Variants in ZC3H12D observed in about 807,000 individuals in gnomAD.
The protein encoded by ZC3H12D is zinc finger CCCH-type containing 12D.
In ZC3H12D, 11 loss-of-function variants were observed where a neutral mutation model predicts 24.2. The observed-to-expected ratio is 0.46, with a 90% confidence interval of 0.29 to 0.75. ZC3H12D has a LOEUF of 0.75. ZC3H12D is among the 30% of genes least tolerant of loss of function. The probability of loss-of-function intolerance (pLI) is 0.11; values close to 1 mark genes in which losing one functional copy is unlikely to be tolerated. For synonymous variants in ZC3H12D, 333 were observed against 341.8 expected (o/e 0.97, Z 0.28); for missense variants, 740 against 767.7 (o/e 0.96, Z 0.43).
intron 3 of ZC3H12D, among the ~76,000 whole-genome samples, chr6:149,458,669 A>C (rs1334442535): frequency 2.6e-5 from 4 of 152,158 alleles, no homozygotes; most frequent in Admixed American, 1.3e-4. Flanking sequence ...GGCACTTTAC[A>C]AGGTAATGCC....
chr6:149,451,698 G>A (rs1404071087), intron 5 of ZC3H12D, among the ~76,000 whole-genome samples: 1 of 152,192 alleles, frequency 6.6e-6, no homozygotes, highest in Non-Finnish European at 1.5e-5. Context: ...CGGGAGGCGC[G>A]GGCGGCCTGG....
intron 1 of ZC3H12D, among the ~76,000 whole-genome samples, chr6:149,482,197 A>T (rs957084746): frequency 1.3e-5 from 2 of 152,244 alleles, no homozygotes; most frequent in Non-Finnish European, 2.9e-5. Context: ...GAGACTTTAA[A>T]ATCAACTTGG....
chr6:149,482,285 G>A (rs946980683), intron 1 of ZC3H12D, among the ~76,000 whole-genome samples: 5 of 152,262 alleles, frequency 3.3e-5, no homozygotes, highest in Non-Finnish European at 7.3e-5. Context: ...ACTCGGCCCT[G>A]GAGCCGCAGC....
chr6:149,460,327 C>T (rs976748443), intron 3 of ZC3H12D, among the ~76,000 whole-genome samples: 1 of 150,464 alleles, frequency 6.6e-6, no homozygotes, highest in Non-Finnish European at 1.5e-5. Context: ...AACACTTCTG[C>T]TCCCAAGTAC....
intron 2 of ZC3H12D, among the ~76,000 whole-genome samples, chr6:149,472,996 C>T (rs1193277499): frequency 6.6e-6 from 1 of 152,164 alleles, no homozygotes; most frequent in Non-Finnish European, 1.5e-5. Flanking sequence ...CATAGGTTTA[C>T]CTATCTGGTG....
intron 3 of ZC3H12D, among the ~76,000 whole-genome samples, chr6:149,461,071 G>A (rs566819480): frequency 2.6e-5 from 4 of 152,244 alleles, no homozygotes; most frequent in South Asian, 4.2e-4. Flanking sequence ...GGCTGGGTGA[G>A]GTGGCTCTCG....
chr6:149,477,201 G>A (rs914001550), intron 1 of ZC3H12D, among the ~76,000 whole-genome samples: 1 of 152,214 alleles, frequency 6.6e-6, no homozygotes, highest in Non-Finnish European at 1.5e-5. Flanking sequence ...GGCATTCTCT[G>A]CAGGCCTGTC....
intron 2 of ZC3H12D, among the ~76,000 whole-genome samples, chr6:149,469,894 T>C (rs532182500): frequency 2.7e-4 from 41 of 152,234 alleles, no homozygotes; most frequent in African/African-American, 8.9e-4. Flanking sequence ...CAGGGTCTCC[T>C]ACCCTGTGGT....
chr6:149,475,262 G>A (rs1338899783), intron 1 of ZC3H12D, among the ~76,000 whole-genome samples: 1 of 152,186 alleles, frequency 6.6e-6, no homozygotes, highest in Non-Finnish European at 1.5e-5. Context: ...GCCAAACACA[G>A]GTTTCAAGCA....
intron 2 of ZC3H12D, among the ~76,000 whole-genome samples, chr6:149,472,184 G>C (rs1469418541): frequency 6.6e-6 from 1 of 152,164 alleles, no homozygotes; most frequent in Admixed American, 6.5e-5. Context: ...CTGCAGAAGG[G>C]GCAGAGGATG....
Position 149,456,616 on chromosome 6 carries a change from G to GGCC in ZC3H12D, c.680+49_680+50insGGC. ...AGGCGTGGCCACTGCCTCGACCCCG[G>GGCC]CCCCCCGCCCCGCCGCCCCCCAGGG... On this transcript the variant is annotated intron_variant, in intron 4 of 5. Coordinates refer to ENST00000409806, the MANE Select transcript of ZC3H12D (RefSeq NM_207360.3). This position sits in a 1 kb window ranked among gnomAD's most constrained non-coding sequence, Gnocchi z 4.3. The GGCC allele has an allele frequency of 9.7e-6, 11 of 1,130,406 alleles. No homozygotes were observed. Among genetic ancestry groups the GGCC allele is most frequent in the Non-Finnish European group, 1.3e-5 (10 of 763,260 alleles). 70.0% of individuals were successfully genotyped at this position (1,130,406 alleles called of 1,614,324 possible). A position where few individuals can be genotyped will look rare whatever the true frequency, so the allele number is the denominator to read the frequency against.
At chr6:149,458,148 T>TTTTTTTC (rs1562472760) in intron 3 of ZC3H12D, among the ~76,000 whole-genome samples, 6 of 128,084 alleles carry the variant, frequency 4.7e-5, no homozygotes, top group African/African-American at 1.8e-4. Flanking sequence ...TTTTTTTTTT[T>TTTTTTTC]TTTTTGAGAC....
chr6:149,455,801 C>T (rs2115002561), intron 4 of ZC3H12D, among the ~76,000 whole-genome samples: 1 of 152,092 alleles, frequency 6.6e-6, no homozygotes, highest in Middle Eastern at 3.4e-3. Flanking sequence ...CTTTGGGAGG[C>T]TGAGGCAGGA....
At chr6:149,458,124 G>GTTTTTTTTT (rs1562472740) in intron 3 of ZC3H12D, among the ~76,000 whole-genome samples, 5 of 37,598 alleles carry the variant, frequency 1.3e-4, no homozygotes, top group Non-Finnish European at 2.3e-4. Context: ...TTTTTTTTTC[G>GTTTTTTTTT]TTTCTTTTTT....
chr6:149,476,035 C>T (rs1055083573), intron 1 of ZC3H12D, among the ~76,000 whole-genome samples: 3 of 152,096 alleles, frequency 2.0e-5, no homozygotes, highest in African/African-American at 7.2e-5. Flanking sequence ...TCCTACACAC[C>T]CCAAACCCAC....
intron 3 of ZC3H12D, 92 bp downstream of exon 3, chr6:149,461,739 A>G: frequency 1.5e-6 from 2 of 1,370,252 alleles, no homozygotes; most frequent in Non-Finnish European, 2.0e-6. Context: ...ATCATTAAAC[A>G]AACAACTAAG....
At position 149,456,616 on chromosome 6, in the gene ZC3H12D, G is replaced by GGGGGAGGGACC; in HGVS notation, c.680+49_680+50insGGTCCCTCCCC. 8.8e-7 allele frequency: 1 copy of GGGGGAGGGACC among 1,130,410 alleles called. No individual in the cohort carries two copies. The highest frequency in any genetic ancestry group is 1.3e-6 in the Non-Finnish European group (1 of 763,264). The allele number at this position is 1,130,410 out of a possible 1,614,324, so 70.0% of individuals were successfully genotyped here. A position where few individuals can be genotyped will look rare whatever the true frequency, so the allele number is the denominator to read the frequency against. ...AGGCGTGGCCACTGCCTCGACCCCG[G>GGGGGAGGGACC]CCCCCCGCCCCGCCGCCCCCCAGGG... On this transcript the variant is annotated intron_variant, in intron 4 of 5. Transcript: ENST00000409806. The surrounding 1 kb of genome is among the most constrained non-coding windows in gnomAD (Gnocchi z 4.3).
chr6:149,474,251 T>C lies in ZC3H12D; in HGVS notation c.293A>G (p.Asn98Ser), dbSNP rs774512764. 6.7e-7 allele frequency: 1 copy of C among 1,483,232 alleles called. No homozygotes were observed. 91.9% of individuals were successfully genotyped at this position (1,483,232 alleles called of 1,614,324 possible). A position where few individuals can be genotyped will look rare whatever the true frequency, so the allele number is the denominator to read the frequency against. ...SLRPIVIDGS[N>S]VAMSHGNKET... ...GAAGGGAAGCTACCTCATCGCCACG[T>C]TGCTGCCATCAATCACTATGGGTCG... Residue 98 changes from asparagine (N) to serine (S), a missense_variant, in exon 2 of 6, where the codon AAC (asparagine) becomes AGC (serine). Physicochemically the swap from Asn to Ser is conservative, Grantham distance 46. Coordinates refer to ENST00000409806, the MANE Select transcript of ZC3H12D (RefSeq NM_207360.3).
Position 149,465,171 on chromosome 6 carries a change from T to C in ZC3H12D, c.306-3201A>G, listed in dbSNP as rs573056999. On this transcript the variant is annotated intron_variant, in intron 2 of 5. Transcript: ENST00000409806. ...GAGTTCAAGACCAGCCTGACCAACA[T>C]GGTGAAACCGCATCTTTACTAAAAA... Among the ~76,000 whole-genome samples the C allele has an allele frequency of 3.2e-4, 49 of 151,986 alleles. No homozygotes were observed. In the South Asian group the frequency reaches 1.0e-2, roughly 31 times the overall value.
Sources: gnomAD v4.1 joint callset for allele counts (sites outside exome capture counted in the v4.1 genomes callset) on GRCh38, gnomAD v4.1.1 for gene constraint, Gnocchi (gnomAD v3.1) non-coding constraint, MANE v1.5 for transcripts, NCBI Gene and HGNC (gene_info 2026-07-23, HGNC 2026-07-21) for gene names.